The following PPP4R1 variants were observed in gnomAD, a reference collection of about 807,000 sequenced individuals.
PPP4R1 encodes protein phosphatase 4 regulatory subunit 1, also known as serine/threonine-protein phosphatase 4 regulatory subunit 1.
In PPP4R1, 42 loss-of-function variants were observed where a neutral mutation model predicts 111.2. The ratio of observed to expected loss-of-function variants is 0.38; its 90% CI spans 0.29 to 0.49. The LOEUF is 0.49. Ranked by LOEUF, PPP4R1 falls within the 20% of genes least tolerant of loss-of-function variation. The pLI is 0.97. For synonymous variants in PPP4R1, 409 were observed against 405.5 expected (o/e 1.01, Z -0.10); for missense variants, 1,012 against 1,161.6 (o/e 0.87, Z 1.87).
intron 3 of PPP4R1, chr18:9,594,262 TATTTTTTAAGAAA>T (rs2067257553): frequency 6.5e-6 from 1 of 154,616 alleles, no homozygotes; most frequent in African/African-American, 2.4e-5. Context: ...AAAATCTGTA[TATTTTTTAAGAAA>T]ATTTTTTCTT....
chr18:9,588,673 G>A (rs774482420), intron 5 of PPP4R1, 38 bp downstream of exon 5: 47 of 1,538,836 alleles, frequency 3.1e-5, no homozygotes, highest in Middle Eastern at 3.4e-4. Flanking sequence ...ATTACACTAC[G>A]TAAATTTCTT....
intron 16 of PPP4R1, 146 bp from the exon 17 acceptor site, chr18:9,550,544 C>T: frequency 7.0e-6 from 6 of 854,814 alleles, no homozygotes; most frequent in South Asian, 1.8e-5. Context: ...CAGACCTCTC[C>T]TGTACAGTTA....
intron 8 of PPP4R1, among the ~76,000 whole-genome samples, 153 bp from the exon 9 acceptor site, chr18:9,583,428 G>A (rs2067064105): frequency 6.6e-6 from 1 of 152,180 alleles, no homozygotes; most frequent in African/African-American, 2.4e-5. Flanking sequence ...GTGAGGTGGT[G>A]CGATCTTGGC....
chr18:9,578,216 A>G (rs572012004), intron 9 of PPP4R1, among the ~76,000 whole-genome samples: 39 of 152,358 alleles, frequency 2.6e-4, no homozygotes, highest in African/African-American at 8.4e-4. Flanking sequence ...ACTTTGCCAC[A>G]CACCAATTTC....
intron 11 of PPP4R1, 85 bp downstream of exon 11, chr18:9,570,072 A>AT: frequency 6.4e-6 from 9 of 1,406,826 alleles, no homozygotes; most frequent in Non-Finnish European, 8.5e-6. Flanking sequence ...TTAAATGACA[A>AT]TTTTTTCTGA....
At chr18:9,593,203 A>G (rs2067240018) in intron 4 of PPP4R1, among the ~76,000 whole-genome samples, 1 of 152,188 alleles carries the variant, frequency 6.6e-6, no homozygotes, top group Admixed American at 6.5e-5. Flanking sequence ...TTACCTTAAA[A>G]TAGTTTTATG....
In PPP4R1 at chr18:9,567,373, A is replaced by T. The variant is rs1454389219; in HGVS notation, c.1573+2784T>A. On this transcript the variant is annotated intron_variant, in intron 11 of 19. Coordinates refer to ENST00000400556, the MANE Select transcript of PPP4R1 (RefSeq NM_001042388.3). ...ACGTTTTCTGTTGTTTTAATTTTAG[A>T]GATGGGGTCTTGTTATGTTGTCCAG... is the stretch of plus-strand genomic sequence containing the variant. Among the ~76,000 whole-genome samples the T allele has an allele frequency of 2.0e-5, 3 of 152,178 alleles. No homozygotes were observed. In the East Asian group the frequency reaches 5.8e-4, roughly 29 times the overall value.
chr18:9,547,784 G>A lies in PPP4R1; in HGVS notation c.*5C>T. ...AAGCAGGAAAGACACCGAGATTCAA[G>A]CCTTCTAGTAGGTTGAGGACGCTGT... is the stretch of plus-strand genomic sequence containing the variant. On this transcript the variant is annotated 3_prime_UTR_variant, in exon 20 of 20. Coordinates refer to ENST00000400556, the MANE Select transcript of PPP4R1 (RefSeq NM_001042388.3). The A allele has an allele frequency of 6.2e-7, 1 of 1,612,608 alleles. No individual in the cohort carries two copies. The highest frequency in any genetic ancestry group is 8.5e-7 in the Non-Finnish European group (1 of 1,179,848).
intron 2 of PPP4R1, among the ~76,000 whole-genome samples, chr18:9,604,384 C>A (rs1057424878): frequency 3.3e-5 from 5 of 152,126 alleles, no homozygotes; most frequent in Admixed American, 2.0e-4. Context: ...CATTCCACCC[C>A]CTGATAAGCC....
upstream of PPP4R1, among the ~76,000 whole-genome samples, chr18:9,616,307 G>A (rs189757175): frequency 1.3e-5 from 2 of 148,422 alleles, no homozygotes; most frequent in African/African-American, 2.5e-5. Flanking sequence ...CTTGCCTTAC[G>A]TAGCCCAGGC....
At chr18:9,563,014 C>A (rs2066703154) in intron 12 of PPP4R1, 1 of 1,021,622 alleles carries the variant, frequency 9.8e-7, no homozygotes, top group South Asian at 3.9e-5. Flanking sequence ...TTGCTTGCTG[C>A]AGTGAAATGG....
intron 19 of PPP4R1, among the ~76,000 whole-genome samples, chr18:9,548,273 C>T (rs2066430399): frequency 1.3e-5 from 2 of 149,464 alleles, no homozygotes; most frequent in East Asian, 3.9e-4. Flanking sequence ...TGCTTCCAAA[C>T]ACCAACTACA....
At chr18:9,559,825 G>A (rs1598897934) in intron 13 of PPP4R1, among the ~76,000 whole-genome samples, 2 of 152,102 alleles carry the variant, frequency 1.3e-5, no homozygotes, top group Non-Finnish European at 1.5e-5. Flanking sequence ...AACTCTAGGA[G>A]AACAATGAAT....
intron 19 of PPP4R1, among the ~76,000 whole-genome samples, chr18:9,548,789 GCA>G (rs2066441121): frequency 6.6e-6 from 1 of 152,116 alleles, no homozygotes; most frequent in African/African-American, 2.4e-5. Context: ...GTGGTGGCGG[GCA>G]CCTGTAATCC....
chr18:9,570,351 C>T lies in PPP4R1; in HGVS notation c.1379G>A (p.Arg460Lys). 1 of 1,611,422 alleles carries T rather than the reference C, an allele frequency of 6.2e-7. No homozygotes were observed. The highest frequency in any genetic ancestry group is 8.5e-7 in the Non-Finnish European group (1 of 1,178,840). ...QELYNSFHFW[R>K]TPLPEIDLDI... Reference sequence around the variant, plus strand: ...TAGATCTATTTCAGGAAGAGGAGTCCTCCAGAAATGGAAGGAGTTATACAA... The same window carrying T: ...TAGATCTATTTCAGGAAGAGGAGTCTTCCAGAAATGGAAGGAGTTATACAA... Residue 460 changes from arginine (R) to lysine (K), a missense_variant, in exon 11 of 20, where the codon AGG (arginine) becomes AAG (lysine). Arg to Lys is a conservative substitution (Grantham distance 26). Transcript: ENST00000400556.
chr18:9,584,671 C>G, intron 7 of PPP4R1, 50 bp downstream of exon 7: 1 of 1,604,226 alleles, frequency 6.2e-7, no homozygotes, highest in Non-Finnish European at 8.5e-7. Context: ...AGTACATTAA[C>G]CACTAGAACT....
chr18:9,580,619 G>T (rs1381928927), intron 9 of PPP4R1, among the ~76,000 whole-genome samples: 1 of 152,028 alleles, frequency 6.6e-6, no homozygotes, highest in Non-Finnish European at 1.5e-5. Flanking sequence ...CAAAGTGCTG[G>T]GATTACAGGT....
chr18:9,584,675 T>TAG, intron 7 of PPP4R1, 46 bp downstream of exon 7: 1 of 1,605,114 alleles, frequency 6.2e-7, no homozygotes, highest in Non-Finnish European at 8.5e-7. Context: ...CATTAACCAC[T>TAG]AGAACTATGT....
At chr18:9,567,894 C>G (rs2145094958) in intron 11 of PPP4R1, among the ~76,000 whole-genome samples, 1 of 152,334 alleles carries the variant, frequency 6.6e-6, no homozygotes, top group Non-Finnish European at 1.5e-5. Flanking sequence ...GCAAGACCCT[C>G]CACCAGCAAT....
Sources: allele counts gnomAD v4.1 joint callset (sites outside exome capture counted in the v4.1 genomes callset), GRCh38; gene constraint gnomAD v4.1.1; transcripts MANE v1.5; gene names NCBI Gene and HGNC (gene_info 2026-07-23, HGNC 2026-07-21).